The following INTS6 variants were observed in gnomAD, a reference collection of about 807,000 sequenced individuals.
The protein encoded by INTS6 is DEAD box protein.
INTS6 carries 16 observed loss-of-function variants against 104.9 expected under a neutral mutation model. That is an observed-to-expected ratio of 0.15 (90% CI 0.10 to 0.23). INTS6 has a LOEUF of 0.23. INTS6 is among the 10% of genes least tolerant of loss of function. INTS6 has a pLI of 1.00. For synonymous variants in INTS6, 324 were observed against 358.7 expected, an observed-to-expected ratio of 0.90 and a Z score of 1.09; for missense variants, 584 against 1,062.8, an observed-to-expected ratio of 0.55 and a Z score of 6.26.
chr13:51,349,955 T>C (rs182263407), downstream of INTS6, among the ~76,000 whole-genome samples: 1 of 152,296 alleles, frequency 6.6e-6, no homozygotes, highest in African/African-American at 2.4e-5. Flanking sequence ...TTAAATCCTT[T>C]GGGGAACAAA....
intron 4 of INTS6, among the ~76,000 whole-genome samples, chr13:51,416,293 T>C (rs1956785075): frequency 6.6e-6 from 1 of 152,188 alleles, no homozygotes; most frequent in Non-Finnish European, 1.5e-5. Context: ...CTATTTAAAG[T>C]GGCTGAACCA....
chr13:51,434,548 A>G (rs1274608546), intron 3 of INTS6, among the ~76,000 whole-genome samples: 2 of 152,174 alleles, frequency 1.3e-5, no homozygotes, highest in African/African-American at 2.4e-5. Context: ...GAAAAGCAAT[A>G]ATCAGTTACT....
Position 51,363,937 on chromosome 13 carries a change from G to A in INTS6, c.*1815C>T, listed in dbSNP as rs1955633854. On this transcript the variant is annotated 3_prime_UTR_variant, in exon 18 of 18. Transcript: ENST00000311234. ...TGATAAGGAAAGCTGCTCAATATTGGGATGGGCTGAATCTCTTTCCTAGAT... is the reference window on the plus strand; with the variant it reads ...TGATAAGGAAAGCTGCTCAATATTGAGATGGGCTGAATCTCTTTCCTAGAT... The A allele has an allele frequency of 4.8e-6, 1 of 207,190 alleles. No individual in the cohort carries two copies. Among genetic ancestry groups the A allele is most frequent in the Non-Finnish European group, 9.5e-6 (1 of 105,564 alleles). The allele number at this position is 207,190 out of a possible 1,614,324, so 12.8% of individuals were successfully genotyped here.
At chr13:51,407,287 A>G (rs1474584367) in intron 4 of INTS6, among the ~76,000 whole-genome samples, 1 of 152,208 alleles carries the variant, frequency 6.6e-6, no homozygotes, top group East Asian at 1.9e-4. Context: ...GAATGAATAC[A>G]TGGATGGATG....
At chr13:51,341,689 G>A in the INTS6 span, among the ~76,000 whole-genome samples, 2 of 152,200 alleles carry the variant, frequency 1.3e-5, no homozygotes, top group Admixed American at 1.3e-4. Flanking sequence ...CCCTAGCATA[G>A]TGCCTTCCTA....
intron 2 of INTS6, 132 bp from the exon 3 acceptor site, chr13:51,451,306 T>G: frequency 1.8e-6 from 1 of 558,282 alleles, no homozygotes; most frequent in South Asian, 5.2e-5. Context: ...GTTAATACTG[T>G]ACCGCTGCTG....
In INTS6 at chr13:51,452,182, A is replaced by C; in HGVS notation, c.112-127T>G. 2.2e-6 allele frequency: 2 copies of C among 913,440 alleles called. No homozygotes were observed. Among genetic ancestry groups the C allele is most frequent in the Non-Finnish European group, 3.3e-6 (2 of 600,218 alleles). 56.6% of individuals were successfully genotyped at this position (913,440 alleles called of 1,614,324 possible). ...CCGCACACGCAGCGGCCACCCCTCCACGCCGTCCCCCACACACAGATCGCT... is the reference window on the plus strand; with the variant it reads ...CCGCACACGCAGCGGCCACCCCTCCCCGCCGTCCCCCACACACAGATCGCT... On this transcript the variant is annotated intron_variant, in intron 1 of 17. Transcript: ENST00000311234. The surrounding 1 kb of genome is among the most constrained non-coding windows in gnomAD (Gnocchi z 4.2).
chr13:51,345,613 A>G, the INTS6 span, among the ~76,000 whole-genome samples: 37 of 151,276 alleles, frequency 2.4e-4, no homozygotes, highest in African/African-American at 9.0e-4. Context: ...AAAAAAAAAA[A>G]AAAGCAGAAT....
the INTS6 span, chr13:51,347,184 G>A: frequency 6.2e-7 from 1 of 1,613,982 alleles, no homozygotes; most frequent in Non-Finnish European, 8.5e-7. Flanking sequence ...TGTGCCTATG[G>A]CCTCGTCCTT....
chr13:51,376,615 T>C (rs112498349), intron 12 of INTS6, among the ~76,000 whole-genome samples: 1,752 of 152,302 alleles, frequency 0.012, 26 homozygotes, highest in East Asian at 0.071. Flanking sequence ...TCCCCAAGTT[T>C]GTTGTACCCA....
At chr13:51,380,560 T>C (rs1460701194) in intron 10 of INTS6, among the ~76,000 whole-genome samples, 3 of 152,318 alleles carry the variant, frequency 2.0e-5, no homozygotes, top group Admixed American at 6.5e-5. Context: ...CACTGTGTGC[T>C]AGACATTCAA....
intron 15 of INTS6, among the ~76,000 whole-genome samples, chr13:51,373,909 A>G (rs1237819374): frequency 6.6e-6 from 1 of 152,242 alleles, no homozygotes; most frequent in Non-Finnish European, 1.5e-5. Flanking sequence ...TTCAACTGAA[A>G]TTGAAAACCA....
At chr13:51,421,159 T>G in intron 4 of INTS6, 1 of 985,774 alleles carries the variant, frequency 1.0e-6, no homozygotes, top group Non-Finnish European at 1.2e-6. Flanking sequence ...CATCAGACTT[T>G]TGAGGAAGGC....
intron 3 of INTS6, chr13:51,437,291 C>T (rs1346936020): frequency 6.6e-6 from 1 of 152,164 alleles, no homozygotes; most frequent in Non-Finnish European, 1.5e-5. Context: ...GCTACAAAAT[C>T]TACAGATGCT....
intron 3 of INTS6, chr13:51,448,376 A>G (rs961442523): frequency 6.6e-5 from 10 of 152,214 alleles, no homozygotes; most frequent in African/African-American, 2.4e-4. Context: ...AATGGTACTG[A>G]TTATCAAAAT....
Position 51,361,905 on chromosome 13 carries a change from T to C in INTS6, c.*3847A>G, listed in dbSNP as rs767415436. On this transcript the variant is annotated 3_prime_UTR_variant, in exon 18 of 18. Transcript: ENST00000311234. ...AGAACCTAACACAGGTATTACAGTA[T>C]TTTTTGACAGGATTCAGATAATTTA... 1.2e-6 allele frequency: 2 copies of C among 1,611,836 alleles called. No individual in the cohort carries two copies. The highest frequency in any genetic ancestry group is 1.1e-5 in the South Asian group (1 of 90,978).
At chr13:51,336,565 C>T in the INTS6 span, among the ~76,000 whole-genome samples, 2 of 152,288 alleles carry the variant, frequency 1.3e-5, no homozygotes, top group East Asian at 1.9e-4. Flanking sequence ...GGTTACATGA[C>T]GATTCCAAAG....
chr13:51,354,762 AGAG>A (rs954745841), intron 3 of INTS6, among the ~76,000 whole-genome samples: 20 of 152,344 alleles, frequency 1.3e-4, no homozygotes, highest in African/African-American at 4.6e-4. Flanking sequence ...GCTGAAGAAA[AGAG>A]GAGGAGGTAA....
At position 51,364,346 on chromosome 13, in the gene INTS6, C is replaced by G. The variant is rs894935086; in HGVS notation, c.*1406G>C. On this transcript the variant is annotated 3_prime_UTR_variant, in exon 18 of 18. Coordinates refer to ENST00000311234, the MANE Select transcript of INTS6 (RefSeq NM_012141.3). ...AAGTTATAATTTCATTTTGCTATAC[C>G]CTTGAAATTTAAAAAAATGTCTGAT... The G allele has an allele frequency of 3.3e-6, 3 of 917,268 alleles. No individual in the cohort carries two copies. Among genetic ancestry groups the G allele is most frequent in the Non-Finnish European group, 4.8e-6 (3 of 630,332 alleles). 56.8% of individuals were successfully genotyped at this position (917,268 alleles called of 1,614,324 possible). A position where few individuals can be genotyped will look rare whatever the true frequency, so the allele number is the denominator to read the frequency against.
Sources: allele counts gnomAD v4.1 joint callset (sites outside exome capture counted in the v4.1 genomes callset), GRCh38; gene constraint gnomAD v4.1.1; non-coding constraint Gnocchi (gnomAD v3.1); transcripts MANE v1.5; gene names NCBI Gene and HGNC (gene_info 2026-07-23, HGNC 2026-07-21).